The following HGF variants were observed in gnomAD, a reference collection of about 807,000 sequenced individuals.
The protein encoded by HGF is fibroblast-derived tumor cytotoxic factor.
A neutral mutation model predicts 111.6 loss-of-function variants in HGF; 39 were observed. The observed-to-expected ratio is 0.35, with a 90% CI of 0.27 to 0.46. The LOEUF is 0.46. Among genes scored for constraint, HGF ranks in the 20% least tolerant of loss-of-function variants. The pLI is 1.00. For synonymous variants in HGF, 285 were observed against 294.8 expected (o/e 0.97, Z 0.34); for missense variants, 735 against 910.5 (o/e 0.81, Z 2.48).
intron 7 of HGF, among the ~76,000 whole-genome samples, chr7:81,741,807 G>C (rs1365236649): frequency 6.6e-6 from 1 of 151,598 alleles, no homozygotes; most frequent in Non-Finnish European, 1.5e-5. Flanking sequence ...GTTTGGTGGT[G>C]CATGCCTGTA....
At chr7:81,769,185 T>A (rs1395262964) in intron 1 of HGF, among the ~76,000 whole-genome samples, 1 of 152,010 alleles carries the variant, frequency 6.6e-6, no homozygotes, top group Admixed American at 6.5e-5. Context: ...CCAAGCAATA[T>A]GAACTTTCAA....
intron 10 of HGF, among the ~76,000 whole-genome samples, chr7:81,719,095 A>G (rs1789787881): frequency 6.6e-6 from 1 of 152,136 alleles, no homozygotes; most frequent in Admixed American, 6.5e-5. Context: ...ACATTCTTTC[A>G]GTCTTACCAA....
chr7:81,710,229 A>G lies in HGF; in HGVS notation c.1459T>C (p.Cys487Arg). 1 of 1,612,454 alleles carries G rather than the reference A, an allele frequency of 6.2e-7. No individual in the cohort carries two copies. Among genetic ancestry groups the G allele is most frequent in the Non-Finnish European group, 8.5e-7 (1 of 1,178,498 alleles). Residue 487 changes from cysteine to arginine, a missense_variant, in exon 13 of 18, where the codon TGT becomes CGT. Around this residue, in one of 3 missense-constraint regions of HGF, gnomAD observed 553 missense variants for 685.6 expected, o/e 0.81. Coordinates refer to ENST00000222390, the MANE Select transcript of HGF (RefSeq NM_000601.6). ...IVNLDHPVISCAKTKQLRVVN... is the reference protein window; with the variant it reads ...IVNLDHPVISRAKTKQLRVVN... ...ACTCGCAATTGTTTCGTTTTGGCACAAGATATTACGGGATCTGAAACAGGA... is the reference window on the plus strand; with the variant it reads ...ACTCGCAATTGTTTCGTTTTGGCACGAGATATTACGGGATCTGAAACAGGA...
rs1345908429 is a variant in HGF, at chr7:81,699,028, T to C, written c.*3553A>G. The C allele has an allele frequency of 6.6e-6, 1 of 151,340 alleles. No homozygotes were observed. The allele number at this position is 151,340 out of a possible 1,614,324, so 9.4% of individuals were successfully genotyped here. A position where few individuals can be genotyped will look rare whatever the true frequency, so the allele number is the denominator to read the frequency against. ...ATAAGCATTTTGATAAAATATTTTA[T>C]TAATAATAATAATATAATCATGGTT... On this transcript the variant is annotated 3_prime_UTR_variant, in exon 18 of 18. Transcript: ENST00000222390.
At chr7:81,743,050 C>T (rs570885150) in intron 7 of HGF, 48 of 1,010,348 alleles carry the variant, frequency 4.8e-5, no homozygotes, top group East Asian at 4.2e-4. Context: ...CACACATTTC[C>T]GATCTTTTTC....
At chr7:81,722,490 G>T (rs943043873) in intron 9 of HGF, among the ~76,000 whole-genome samples, 3 of 151,678 alleles carry the variant, frequency 2.0e-5, no homozygotes, top group African/African-American at 7.3e-5. Context: ...TTAATCAAAA[G>T]AAATGTAGTC....
chr7:81,699,953 A>C lies in HGF; in HGVS notation c.*2628T>G, dbSNP rs985500383. ...ACACATTTTACAATAAAATTAAAGA[A>C]GTATACAAAAGGATTATCATTCCTT... On this transcript the variant is annotated 3_prime_UTR_variant, in exon 18 of 18. Transcript: ENST00000222390. 1 of 151,728 alleles carries C rather than the reference A, an allele frequency of 6.6e-6. No homozygotes were observed. Among genetic ancestry groups the C allele is most frequent in the Non-Finnish European group, 1.5e-5 (1 of 67,732 alleles). 9.4% of individuals were successfully genotyped at this position (151,728 alleles called of 1,614,324 possible).
intron 7 of HGF, chr7:81,742,903 A>T: frequency 6.2e-7 from 1 of 1,612,636 alleles, no homozygotes; most frequent in Non-Finnish European, 8.5e-7. Flanking sequence ...AGCCTCTGTC[A>T]CTCACCAGAA....
In HGF at chr7:81,753,656, A is replaced by G. The variant is rs143356213; in HGVS notation, c.483-1394T>C. Among the ~76,000 whole-genome samples, 737 of 152,120 alleles carry G rather than the reference A, an allele frequency of 4.8e-3. 8 individuals carry two copies. Among genetic ancestry groups the G allele is most frequent in the Non-Finnish European group, 6.3e-3 (426 of 67,908 alleles). On this transcript the variant is annotated intron_variant, in intron 4 of 17. Coordinates refer to ENST00000222390, the MANE Select transcript of HGF (RefSeq NM_000601.6). ...GTCTTCAGAAAATATAAATTATTGG[A>G]CAAAACAAATAGTGTAAGAGACTTA...
chr7:81,764,204 G>T (rs1050557397), intron 1 of HGF, among the ~76,000 whole-genome samples: 1 of 152,086 alleles, frequency 6.6e-6, no homozygotes, highest in African/African-American at 2.4e-5. Context: ...AAGTTTGTCA[G>T]CAACCACTGG....
intron 5 of HGF, among the ~76,000 whole-genome samples, chr7:81,746,874 G>T (rs765602600): frequency 3.2e-4 from 48 of 152,144 alleles, no homozygotes; most frequent in Non-Finnish European, 4.6e-4. Context: ...GCAGATCAAT[G>T]CTTGTTCAAA....
At chr7:81,722,879 A>AAAAAG (rs1214799076) in intron 9 of HGF, among the ~76,000 whole-genome samples, 2 of 150,006 alleles carry the variant, frequency 1.3e-5, no homozygotes, top group Non-Finnish European at 2.9e-5. Context: ...TTGCAAATTT[A>AAAAAG]AAAAGAATTA....
chr7:81,723,600 C>T (rs1789929801), intron 9 of HGF, among the ~76,000 whole-genome samples: 1 of 150,682 alleles, frequency 6.6e-6, no homozygotes, highest in African/African-American at 2.4e-5. Flanking sequence ...AGTGTTTTAT[C>T]AACATTTTAA....
intron 5 of HGF, among the ~76,000 whole-genome samples, chr7:81,746,378 G>A (rs1011447771): frequency 6.6e-6 from 1 of 152,142 alleles, no homozygotes; most frequent in African/African-American, 2.4e-5. Context: ...CAATAAAGGT[G>A]CTCAGGTTGG....
At chr7:81,716,847 G>T (rs1432304021) in intron 11 of HGF, among the ~76,000 whole-genome samples, 1 of 152,060 alleles carries the variant, frequency 6.6e-6, no homozygotes, top group East Asian at 1.9e-4. Flanking sequence ...TTTTTAGTGG[G>T]CTGGGAACTT....
chr7:81,760,681 G>GTGTC (rs1789023074), intron 2 of HGF, among the ~76,000 whole-genome samples: 1 of 1,360 alleles, frequency 7.4e-4, no homozygotes, highest in African/African-American at 1.0e-3. Context: ...ATGTGCGTGC[G>GTGTC]TGTGTGTGTG....
intron 13 of HGF, among the ~76,000 whole-genome samples, chr7:81,708,460 G>A (rs1297403113): frequency 7.2e-6 from 1 of 139,626 alleles, no homozygotes; most frequent in Middle Eastern, 3.8e-3. Context: ...GGGGTTATAA[G>A]ATAAGCAAAG....
chr7:81,728,409 G>T (rs1300854922), intron 8 of HGF, among the ~76,000 whole-genome samples: 1 of 151,978 alleles, frequency 6.6e-6, no homozygotes, highest in Admixed American at 6.6e-5. Context: ...TTTCTTATTG[G>T]GTATTACTAG....
Position 81,700,899 on chromosome 7 carries a change from A to G in HGF, c.*1682T>C, listed in dbSNP as rs1407184183. On this transcript the variant is annotated 3_prime_UTR_variant, in exon 18 of 18. Coordinates refer to ENST00000222390, the MANE Select transcript of HGF (RefSeq NM_000601.6). ...AAAACCATTTTAGTCCAGATTGAAC[A>G]GTACTCTAAAGAGCTGGTAGGGAAT... 2 of 151,662 alleles carry G rather than the reference A, an allele frequency of 1.3e-5. No homozygotes were observed. The highest frequency in any genetic ancestry group is 3.0e-5 in the Non-Finnish European group (2 of 67,670). 9.4% of individuals were successfully genotyped at this position (151,662 alleles called of 1,614,324 possible).
Sources: gnomAD v4.1 joint callset for allele counts (sites outside exome capture counted in the v4.1 genomes callset) on GRCh38, gnomAD v4.1.1 for gene constraint, gnomAD v4.1.1 regional missense constraint, MANE v1.5 for transcripts, NCBI Gene and HGNC (gene_info 2026-07-23, HGNC 2026-07-21) for gene names.